GALNTL6: variants seen among roughly 807,000 people sequenced by gnomAD.
GALNTL6 encodes polypeptide N-acetylgalactosaminyltransferase like 6.
In GALNTL6, 46 loss-of-function variants were observed where a neutral mutation model predicts 73.7. The observed-to-expected ratio is 0.62, with a 90% CI of 0.49 to 0.80. The LOEUF (loss-of-function observed/expected upper bound fraction) is 0.80. Ranked by LOEUF, GALNTL6 falls within the 30% of genes least tolerant of loss-of-function variation. The pLI, the probability that GALNTL6 is intolerant of heterozygous loss-of-function variation, is 0.00. For synonymous variants in GALNTL6, 259 were observed against 263.7 expected, an observed-to-expected ratio of 0.98 and a Z score of 0.17; for missense variants, 604 against 755.0, an observed-to-expected ratio of 0.80 and a Z score of 2.34.
intron 2 of GALNTL6, among the ~76,000 whole-genome samples, chr4:172,174,360 T>C (rs1205635395): frequency 3.3e-5 from 5 of 152,190 alleles, no homozygotes; most frequent in African/African-American, 7.2e-5. Flanking sequence ...CTTAGTGAAG[T>C]ATAGATCTTT....
chr4:172,661,269 G>A (rs1731354510), intron 5 of GALNTL6, among the ~76,000 whole-genome samples: 1 of 152,130 alleles, frequency 6.6e-6, no homozygotes, highest in Non-Finnish European at 1.5e-5. Flanking sequence ...AAGGAATTCT[G>A]CCAGCAGAGA....
At chr4:172,718,657 C>A (rs964494323) in intron 5 of GALNTL6, among the ~76,000 whole-genome samples, 2 of 151,728 alleles carry the variant, frequency 1.3e-5, no homozygotes, top group African/African-American at 4.8e-5. Context: ...AAAAAAAAAT[C>A]ATCTGTAAAT....
At chr4:173,024,505 AAG>A (rs1753150313) in intron 12 of GALNTL6, among the ~76,000 whole-genome samples, 1 of 152,242 alleles carries the variant, frequency 6.6e-6, no homozygotes, top group Admixed American at 6.5e-5. Flanking sequence ...AAAAAGCACA[AAG>A]AGAAATCTCT....
intron 5 of GALNTL6, among the ~76,000 whole-genome samples, chr4:172,660,731 G>A (rs182319556): frequency 7.2e-5 from 11 of 152,076 alleles, no homozygotes; most frequent in South Asian, 2.1e-4. Flanking sequence ...CAAGTATGTC[G>A]TCAGAACTCC....
intron 5 of GALNTL6, among the ~76,000 whole-genome samples, chr4:172,731,971 C>T (rs1371577824): frequency 6.6e-6 from 1 of 151,778 alleles, no homozygotes; most frequent in Non-Finnish European, 1.5e-5. Flanking sequence ...ATGGTCTATC[C>T]TGGAAAATGT....
intron 5 of GALNTL6, among the ~76,000 whole-genome samples, chr4:172,571,505 A>G (rs1472580122): frequency 6.6e-6 from 1 of 152,196 alleles, no homozygotes; most frequent in Admixed American, 6.5e-5. Flanking sequence ...TCTGAAGACA[A>G]GTTTTTTTAA....
At chr4:172,827,769 A>G (rs1742344403) in intron 7 of GALNTL6, among the ~76,000 whole-genome samples, 1 of 152,172 alleles carries the variant, frequency 6.6e-6, no homozygotes, top group Admixed American at 6.5e-5. Context: ...AAGAAGCCTG[A>G]GCTTCCATGG....
At chr4:172,688,368 A>C (rs1221169408) in intron 5 of GALNTL6, among the ~76,000 whole-genome samples, 1 of 152,230 alleles carries the variant, frequency 6.6e-6, no homozygotes, top group East Asian at 1.9e-4. Flanking sequence ...GTACCAATTT[A>C]TGGTAGTAAA....
intron 2 of GALNTL6, among the ~76,000 whole-genome samples, chr4:171,988,425 T>C (rs1192376062): frequency 6.6e-6 from 1 of 152,142 alleles, no homozygotes; most frequent in African/African-American, 2.4e-5. Context: ...GGTAATTTGC[T>C]GAGCCTAATG....
At chr4:172,828,271 C>CAA (rs35836916) in intron 7 of GALNTL6, among the ~76,000 whole-genome samples, 1,716 of 122,300 alleles carry the variant, frequency 0.014, 49 homozygotes, top group African/African-American at 0.05. Context: ...GACTCCATCT[C>CAA]AAAAAAAAAA....
chr4:172,104,977 A>G (rs1384459244), intron 2 of GALNTL6, among the ~76,000 whole-genome samples: 1 of 152,208 alleles, frequency 6.6e-6, no homozygotes, highest in African/African-American at 2.4e-5. Flanking sequence ...GCTCATATAG[A>G]AACAAATTGC....
chr4:172,056,724 CAT>C (rs916941701), intron 2 of GALNTL6, among the ~76,000 whole-genome samples: 39 of 151,698 alleles, frequency 2.6e-4, no homozygotes, highest in African/African-American at 9.2e-4. Flanking sequence ...AGCATTTTGA[CAT>C]ATTTGTTTGT....
chr4:172,311,524 C>A, intron 3 of GALNTL6, 90 bp from the exon 4 acceptor site: 1 of 1,059,204 alleles, frequency 9.4e-7, no homozygotes, highest in Admixed American at 2.7e-5. Context: ...CAGCAATAGG[C>A]GATAATACAC....
At chr4:172,553,453 G>A (rs2110906900) in intron 5 of GALNTL6, among the ~76,000 whole-genome samples, 1 of 152,112 alleles carries the variant, frequency 6.6e-6, no homozygotes, top group South Asian at 2.1e-4. Flanking sequence ...AATGTCTCTT[G>A]GGACCTATGT....
intron 5 of GALNTL6, among the ~76,000 whole-genome samples, chr4:172,387,537 GTCATTTT>G (rs1380737726): frequency 6.6e-6 from 1 of 152,064 alleles, no homozygotes; most frequent in Non-Finnish European, 1.5e-5. Context: ...TACCCAATGA[GTCATTTT>G]TCTCTTGCTG....
At chr4:172,205,471 C>T (rs535622531) in intron 2 of GALNTL6, among the ~76,000 whole-genome samples, 30 of 152,212 alleles carry the variant, frequency 2.0e-4, no homozygotes, top group South Asian at 1.7e-3. Context: ...TGACAGAGGC[C>T]AATCCGGACC....
intron 5 of GALNTL6, among the ~76,000 whole-genome samples, chr4:172,527,805 A>G: frequency 6.6e-6 from 1 of 152,082 alleles, no homozygotes; most frequent in East Asian, 1.9e-4. Context: ...AGGCTTTTCC[A>G]TGAGGTTGAA....
At chr4:171,904,364 C>T (rs988278281) in intron 2 of GALNTL6, among the ~76,000 whole-genome samples, 7 of 151,896 alleles carry the variant, frequency 4.6e-5, no homozygotes, top group East Asian at 1.9e-4. Context: ...CCTCAGGAGC[C>T]GATGCGATCA....
chr4:172,793,141 G>A (rs140742725), intron 5 of GALNTL6, among the ~76,000 whole-genome samples: 248 of 152,216 alleles, frequency 1.6e-3, no homozygotes, highest in African/African-American at 5.3e-3. Context: ...TTTTGTTCAC[G>A]GGATATTCAA....
Sources: gnomAD v4.1 joint callset for allele counts (sites outside exome capture counted in the v4.1 genomes callset) on GRCh38, gnomAD v4.1.1 for gene constraint, MANE v1.5 for transcripts, NCBI Gene and HGNC (gene_info 2026-07-23, HGNC 2026-07-21) for gene names.